The following PADI1 variants were observed in gnomAD, a reference collection of about 807,000 sequenced individuals.
PADI1 encodes the protein peptidyl arginine deiminase 1.
A neutral mutation model predicts 74.8 loss-of-function variants in PADI1; 65 were observed. That is an observed-to-expected ratio of 0.87 (90% CI 0.71 to 1.07). PADI1 has a LOEUF of 1.07. Among genes scored for constraint, PADI1 ranks in the 50% least tolerant of loss-of-function variants. The pLI is 0.00. For synonymous variants in PADI1, 371 were observed against 336.2 expected, an observed-to-expected ratio of 1.10 and a Z score of -1.13; for missense variants, 943 against 854.0, an observed-to-expected ratio of 1.10 and a Z score of -1.30.
intron 10 of PADI1, among the ~76,000 whole-genome samples, chr1:17,230,917 G>C (rs1283232016): frequency 1.3e-5 from 2 of 152,186 alleles, no homozygotes; most frequent in Non-Finnish European, 2.9e-5. Flanking sequence ...TGTTGGGAGG[G>C]GCAGGTCAGC....
Position 17,226,171 on chromosome 1 carries a change from A to C in PADI1, c.652+13A>C. 1 of 1,613,734 alleles carries C rather than the reference A, an allele frequency of 6.2e-7. No individual in the cohort carries two copies. On this transcript the variant is annotated intron_variant, in intron 6 of 15. Transcript: ENST00000375471. Reference sequence around the variant, plus strand: ...TTCTGTGCCAGGGGTGAGTGGCCTGATGGGGCCTTTTCCTCCCAGCTCCAT... The same window carrying C: ...TTCTGTGCCAGGGGTGAGTGGCCTGCTGGGGCCTTTTCCTCCCAGCTCCAT...
At chr1:17,239,554 G>A in intron 13 of PADI1, 150 bp from the exon 14 acceptor site, 1 of 638,446 alleles carries the variant, frequency 1.6e-6, no homozygotes, top group Non-Finnish European at 2.9e-6. Flanking sequence ...GTCCCTTCAG[G>A]GGTTCTCAGT....
chr1:17,216,067 T>A (rs190228944), intron 1 of PADI1, among the ~76,000 whole-genome samples: 3 of 151,782 alleles, frequency 2.0e-5, no homozygotes, highest in Admixed American at 2.0e-4. Flanking sequence ...ACAGGAACAT[T>A]CCGGACAGAC....
In PADI1 at chr1:17,238,660, C is replaced by A; in HGVS notation, c.1503C>A (p.Leu501=). 6.4e-7 allele frequency: 1 copy of A among 1,555,482 alleles called. No individual in the cohort carries two copies. Among genetic ancestry groups the A allele is most frequent in the Non-Finnish European group, 8.7e-7 (1 of 1,145,268 alleles). ...LLASPSACLK[L]FQEKKEEGYG... ...CTAGCCCCAGCGCTTGCCTCAAACTCTTCCAAGAGAAGAAAGAAGAGGGTT... is the reference window on the plus strand; with the variant it reads ...CTAGCCCCAGCGCTTGCCTCAAACTATTCCAAGAGAAGAAAGAAGAGGGTT... Residue 501 remains leucine, a synonymous_variant, in exon 13 of 16, where the codon CTC becomes CTA. Transcript: ENST00000375471.
At chr1:17,226,689 G>A (rs1488913625) in intron 6 of PADI1, among the ~76,000 whole-genome samples, 2 of 152,052 alleles carry the variant, frequency 1.3e-5, no homozygotes, top group African/African-American at 2.4e-5. Flanking sequence ...TTTGGGAGGC[G>A]GATCACCTGA....
chr1:17,244,471 C>CCCA lies in PADI1; in HGVS notation c.*231_*233dup, dbSNP rs1307075115. 4.7e-6 allele frequency: 3 copies of CCCA among 639,150 alleles called. No individual in the cohort carries two copies. The Admixed American group carries it at 6.3e-5, about 13-fold the overall frequency. The allele number at this position is 639,150 out of a possible 1,614,324, so 39.6% of individuals were successfully genotyped here. A position where few individuals can be genotyped will look rare whatever the true frequency, so the allele number is the denominator to read the frequency against. On this transcript the variant is annotated 3_prime_UTR_variant, in exon 16 of 16. Coordinates refer to ENST00000375471, the MANE Select transcript of PADI1 (RefSeq NM_013358.3). The stretch of plus-strand genomic sequence containing the variant: ...CACCTCATTCTTCCCTGGCCTCTTT[C>CCCA]CCACCCACAGCCCCCAGAGGCTCTA...
At chr1:17,241,786 G>A (rs1031301244) in intron 15 of PADI1, among the ~76,000 whole-genome samples, 14 of 97,810 alleles carry the variant, frequency 1.4e-4, no homozygotes, top group African/African-American at 4.0e-4. Context: ...AGGGTTGGAA[G>A]TGAATGTCGG....
chr1:17,209,410 C>A (rs1383900481), intron 1 of PADI1, among the ~76,000 whole-genome samples: 2 of 152,186 alleles, frequency 1.3e-5, no homozygotes, highest in African/African-American at 4.8e-5. Context: ...CCCTGACAGG[C>A]CCGGGGGTTG....
chr1:17,222,547 T>C, intron 2 of PADI1, 77 bp downstream of exon 2: 1 of 1,144,544 alleles, frequency 8.7e-7, no homozygotes, highest in Middle Eastern at 2.0e-4. Flanking sequence ...CATTGGCAAT[T>C]CCCATTCCAA....
intron 1 of PADI1, among the ~76,000 whole-genome samples, chr1:17,218,856 C>T (rs1195227676): frequency 4.6e-5 from 7 of 152,192 alleles, no homozygotes. Flanking sequence ...CAGCACACCC[C>T]TCTTCCCAGG....
rs750416330 is a variant in PADI1, at chr1:17,230,557, T to C, written c.1054-15T>C. On this transcript the variant is annotated splice_polypyrimidine_tract_variant and intron_variant, in intron 9 of 15. Transcript: ENST00000375471. ...GAAAAAGGTCACTGTGGCTTTTTCA[T>C]CTCTCCCCTCCCAGGACGAGATGGA... 1.3e-6 allele frequency: 2 copies of C among 1,578,900 alleles called. No homozygotes were observed. The highest frequency in any genetic ancestry group is 2.3e-5 in the South Asian group (2 of 88,222).
At chr1:17,214,448 C>A (rs921338530) in intron 1 of PADI1, among the ~76,000 whole-genome samples, 5 of 152,150 alleles carry the variant, frequency 3.3e-5, no homozygotes, top group African/African-American at 9.7e-5. Flanking sequence ...ATTACCAAGA[C>A]ACCTGACAGG....
intron 12 of PADI1, among the ~76,000 whole-genome samples, chr1:17,237,773 TG>T (rs1415330639): frequency 6.6e-6 from 1 of 152,198 alleles, no homozygotes; most frequent in Admixed American, 6.5e-5. Flanking sequence ...GTCAAGTGGG[TG>T]CAATTATTAT....
intron 12 of PADI1, among the ~76,000 whole-genome samples, chr1:17,238,396 G>C (rs1250794203): frequency 6.6e-6 from 1 of 152,234 alleles, no homozygotes; most frequent in Non-Finnish European, 1.5e-5. Flanking sequence ...AAAATGCGAA[G>C]GGCGTCCAGG....
At chr1:17,243,442 T>C (rs1032421753) in intron 15 of PADI1, among the ~76,000 whole-genome samples, 4 of 152,252 alleles carry the variant, frequency 2.6e-5, no homozygotes, top group Non-Finnish European at 5.9e-5. Flanking sequence ...TGTATGATTA[T>C]GTGACTTAAC....
intron 6 of PADI1, among the ~76,000 whole-genome samples, chr1:17,226,894 C>G (rs1249829724): frequency 6.6e-6 from 1 of 151,894 alleles, no homozygotes; most frequent in Non-Finnish European, 1.5e-5. Context: ...CTAAAAAATA[C>G]AAAAAAATTA....
chr1:17,225,937 C>T lies in PADI1; in HGVS notation c.526+9C>T. On this transcript the variant is annotated intron_variant, in intron 5 of 15. Coordinates refer to ENST00000375471, the MANE Select transcript of PADI1 (RefSeq NM_013358.3). ...GCTGATGTCGCTGGCTGGTGAGTGA[C>T]ACAAGGTGTTGTCTGGGGAGTGGGG... 6.2e-7 allele frequency: 1 copy of T among 1,613,390 alleles called. No homozygotes were observed. Among genetic ancestry groups the T allele is most frequent in the African/African-American group, 1.3e-5 (1 of 74,970 alleles).
At chr1:17,219,696 G>A (rs1451355387) in intron 1 of PADI1, among the ~76,000 whole-genome samples, 1 of 152,054 alleles carries the variant, frequency 6.6e-6, no homozygotes, top group African/African-American at 2.4e-5. Flanking sequence ...GTAGATGGGT[G>A]GTGTAGTCTG....
At position 17,221,757 on chromosome 1, in the gene PADI1, C is replaced by T. The variant is rs373588299; in HGVS notation, c.93-533C>T. On this transcript the variant is annotated intron_variant, in intron 1 of 15. Coordinates refer to ENST00000375471, the MANE Select transcript of PADI1 (RefSeq NM_013358.3). ...CTGGAGCTAAGTGAGCGAGGGAAAG[C>T]GTAGTAGGGAGGAGGCAGTCAGCAA... Among the ~76,000 whole-genome samples, 8 of 152,188 alleles carry T rather than the reference C, an allele frequency of 5.3e-5. No homozygotes were observed. In the East Asian group the frequency reaches 1.2e-3, roughly 22 times the overall value.
Sources: gnomAD v4.1 joint callset for allele counts (sites outside exome capture counted in the v4.1 genomes callset) on GRCh38, gnomAD v4.1.1 for gene constraint, MANE v1.5 for transcripts, NCBI Gene and HGNC (gene_info 2026-07-23, HGNC 2026-07-21) for gene names.